RIC8B: variants seen among roughly 807,000 people sequenced by gnomAD.
RIC8B encodes chaperone Ric-8B.
In RIC8B, 16 loss-of-function variants were observed where a neutral mutation model predicts 57.5. The ratio of observed to expected loss-of-function variants is 0.28; its 90% CI spans 0.19 to 0.42. The LOEUF (loss-of-function observed/expected upper bound fraction) is 0.42. Among genes scored for constraint, RIC8B ranks in the 10% least tolerant of loss-of-function variants. The pLI, the probability that RIC8B is intolerant of heterozygous loss-of-function variation, is 1.00. For synonymous variants in RIC8B, 216 were observed against 250.8 expected (o/e 0.86, Z 1.31); for missense variants, 481 against 677.0 (o/e 0.71, Z 3.21).
intron 4 of RIC8B, among the ~76,000 whole-genome samples, chr12:106,837,400 C>T (rs776921158): frequency 2.0e-5 from 3 of 151,976 alleles, no homozygotes; most frequent in Non-Finnish European, 2.9e-5. Flanking sequence ...CTAGTTTACC[C>T]TCATGGGTTA....
At chr12:106,774,890 A>G (rs1414827409) in intron 1 of RIC8B, 61 bp downstream of exon 1, 20 of 1,263,808 alleles carry the variant, frequency 1.6e-5, no homozygotes, top group Non-Finnish European at 1.9e-5. Context: ...CCGTGCTTGC[A>G]CATCGCATCC....
At chr12:106,885,007 C>T (rs1951112177) in intron 9 of RIC8B, among the ~76,000 whole-genome samples, 1 of 152,142 alleles carries the variant, frequency 6.6e-6, no homozygotes, top group African/African-American at 2.4e-5. Context: ...TCTTCAAGGC[C>T]ACTCTTAAGT....
At chr12:106,797,962 A>G in intron 2 of RIC8B, 1 of 692,214 alleles carries the variant, frequency 1.4e-6, no homozygotes, top group Non-Finnish European at 2.7e-6. Context: ...GATTCTATTT[A>G]TTTCCTGATT....
At chr12:106,825,944 G>C in intron 4 of RIC8B, 124 bp downstream of exon 4, 1 of 647,946 alleles carries the variant, frequency 1.5e-6, no homozygotes, top group Admixed American at 2.3e-5. Flanking sequence ...CAGGTAACTG[G>C]TAGGTCAGAA....
chr12:106,831,590 G>A (rs1333233532), intron 4 of RIC8B, among the ~76,000 whole-genome samples: 1 of 152,170 alleles, frequency 6.6e-6, no homozygotes, highest in Non-Finnish European at 1.5e-5. Context: ...AGAGCTTAAA[G>A]CCTTCAAATA....
At position 106,825,719 on chromosome 12, in the gene RIC8B, G is replaced by C; in HGVS notation, c.742-7G>C. 1 of 1,609,172 alleles carries C rather than the reference G, an allele frequency of 6.2e-7. No individual in the cohort carries two copies. Among genetic ancestry groups the C allele is most frequent in the Non-Finnish European group, 8.5e-7 (1 of 1,175,752 alleles). Reference sequence around the variant, plus strand: ...CCAATGTTTCCTCTCTTTTTTATTTGCCATAGAGTGATTCTCATCAGTTCC... The same window carrying C: ...CCAATGTTTCCTCTCTTTTTTATTTCCCATAGAGTGATTCTCATCAGTTCC... On this transcript the variant is annotated splice_polypyrimidine_tract_variant and splice_region_variant and intron_variant, in intron 3 of 9. Coordinates refer to ENST00000392837, the MANE Select transcript of RIC8B (RefSeq NM_001330145.2).
rs1397979132 is a variant in RIC8B at position 106,774,718 on chromosome 12, C to T, written c.-28C>T. ...GAGGCAGCGGCTTGGGCGCGCAGAG[C>T]GGCCGCGGCTCCCCCGCACCTGCGG... On this transcript the variant is annotated 5_prime_UTR_variant, in exon 1 of 10. Coordinates refer to ENST00000392837, the MANE Select transcript of RIC8B (RefSeq NM_001330145.2). 5 of 1,531,516 alleles carry T rather than the reference C, an allele frequency of 3.3e-6. No individual in the cohort carries two copies. Among genetic ancestry groups the T allele is most frequent in the African/African-American group, 2.8e-5 (2 of 72,644 alleles). 94.9% of individuals were successfully genotyped at this position (1,531,516 alleles called of 1,614,324 possible).
intron 2 of RIC8B, among the ~76,000 whole-genome samples, chr12:106,809,518 G>A (rs1017353312): frequency 9.9e-6 from 1 of 101,236 alleles, no homozygotes; most frequent in Admixed American, 1.2e-4. Context: ...GAAGACTCTT[G>A]TCTCAAAAAA....
Position 106,814,980 on chromosome 12 carries a change from T to C in RIC8B, c.417T>C (p.Asn139=), listed in dbSNP as rs780768765. 2.5e-6 allele frequency: 4 copies of C among 1,614,230 alleles called. No homozygotes were observed. The highest frequency in any genetic ancestry group is 3.4e-6 in the Non-Finnish European group (4 of 1,180,032). Residue 139 remains asparagine (N), a synonymous_variant, in exon 3 of 10, where the codon AAT becomes AAC. Transcript: ENST00000392837. ...CACAGCAGCTCAGCCTGGAACTTAA[T>C]CTTGCTGCAAAGCTCTGTAACCTCC... The part of the protein sequence containing the change: ...QMAQQLSLEL[N]LAAKLCNLLR...
At chr12:106,877,905 A>G (rs1016538687) in intron 9 of RIC8B, among the ~76,000 whole-genome samples, 1 of 152,168 alleles carries the variant, frequency 6.6e-6, no homozygotes, top group Admixed American at 6.6e-5. Context: ...GGCCCAGGAA[A>G]GCCAAACAAT....
chr12:106,825,703 C>G, intron 3 of RIC8B, 23 bp from the exon 4 acceptor site: 1 of 1,588,560 alleles, frequency 6.3e-7, no homozygotes, highest in Non-Finnish European at 8.6e-7. Flanking sequence ...CCCAATGTTT[C>G]CTCTCTTTTT....
chr12:106,858,966 C>T (rs1334795503), intron 7 of RIC8B, among the ~76,000 whole-genome samples: 5 of 152,036 alleles, frequency 3.3e-5, no homozygotes, highest in Non-Finnish European at 7.4e-5. Flanking sequence ...ACCTATTTTC[C>T]TTTCCACCAT....
intron 9 of RIC8B, among the ~76,000 whole-genome samples, chr12:106,872,287 T>A (rs1161388146): frequency 6.6e-6 from 1 of 152,132 alleles, no homozygotes; most frequent in Non-Finnish European, 1.5e-5. Flanking sequence ...AAAATGAATA[T>A]ATAAAGATAA....
At chr12:106,869,572 G>A (rs186449615) in intron 8 of RIC8B, among the ~76,000 whole-genome samples, 9 of 152,100 alleles carry the variant, frequency 5.9e-5, no homozygotes, top group Middle Eastern at 3.4e-3. Flanking sequence ...TTCTGAAAGC[G>A]TTTATGTTCA....
chr12:106,816,056 A>G (rs1327167734), intron 3 of RIC8B, among the ~76,000 whole-genome samples: 1 of 152,220 alleles, frequency 6.6e-6, no homozygotes, highest in Non-Finnish European at 1.5e-5. Flanking sequence ...AAGGAAGTCA[A>G]CAAATTAAGT....
intron 2 of RIC8B, chr12:106,798,192 G>T: frequency 3.9e-6 from 2 of 507,372 alleles, no homozygotes; most frequent in South Asian, 6.3e-5. Context: ...AAAAATGTAA[G>T]GTTTCCTTTT....
chr12:106,834,230 G>A lies in RIC8B; in HGVS notation c.837-8359G>A, dbSNP rs139590187. On this transcript the variant is annotated intron_variant, in intron 4 of 9. Transcript: ENST00000392837. ...CTAAAACTAGTTTCTTGTCAGATCTGTTTGGATTGTCCTTGTTTTGACTCA... is the reference window on the plus strand; with the variant it reads ...CTAAAACTAGTTTCTTGTCAGATCTATTTGGATTGTCCTTGTTTTGACTCA... Among the ~76,000 whole-genome samples the A allele has an allele frequency of 3.0e-3, 458 of 152,284 alleles. 3 individuals are homozygous for A. The highest frequency in any genetic ancestry group is 0.01 in the African/African-American group (423 of 41,550).
Position 106,815,204 on chromosome 12 carries a change from A to C in RIC8B, c.641A>C (p.His214Pro). 6.2e-7 allele frequency: 1 copy of C among 1,614,244 alleles called. No individual in the cohort carries two copies. The highest frequency in any genetic ancestry group is 8.5e-7 in the Non-Finnish European group (1 of 1,180,034). ...GATGAGTATGAATCGGCCATAGACCATAATGGACCTCCTCTCTCACCTCAG... is the reference window on the plus strand; with the variant it reads ...GATGAGTATGAATCGGCCATAGACCCTAATGGACCTCCTCTCTCACCTCAG... Reference protein sequence around the residue: ...WTDEYESAIDHNGPPLSPQET... With the variant: ...WTDEYESAIDPNGPPLSPQET... Residue 214 changes from histidine to proline, a missense_variant, in exon 3 of 10, where the codon CAT becomes CCT. By Grantham distance (77) the His-to-Pro change is moderately conservative (BLOSUM62 -2). This residue lies in a region of RIC8B where 421 missense variants were observed against 560.9 expected (regional missense o/e 0.75). Transcript: ENST00000392837.
chr12:106,804,109 A>G (rs1266888154), intron 2 of RIC8B, among the ~76,000 whole-genome samples: 1 of 152,208 alleles, frequency 6.6e-6, no homozygotes, highest in Non-Finnish European at 1.5e-5. Flanking sequence ...GTGTAGTTAC[A>G]ATGATAAGTA....
Sources: allele counts gnomAD v4.1 joint callset (sites outside exome capture counted in the v4.1 genomes callset), GRCh38; gene constraint gnomAD v4.1.1; regional missense constraint gnomAD v4.1.1; transcripts MANE v1.5; gene names NCBI Gene and HGNC (gene_info 2026-07-23, HGNC 2026-07-21).